Variants in SFTPC observed in about 807,000 individuals in gnomAD.
The protein encoded by SFTPC is BRICHOS domain containing 6.
A neutral mutation model predicts 19.9 loss-of-function variants in SFTPC; 12 were observed. The observed-to-expected ratio is 0.60, with a 90% CI of 0.39 to 0.98. The LOEUF is 0.98. SFTPC is among the 50% of genes least tolerant of loss of function. The pLI, the probability that SFTPC is intolerant of heterozygous loss-of-function variation, is 0.00. For synonymous variants in SFTPC, 123 were observed against 103.3 expected (o/e 1.19, Z -1.16); for missense variants, 219 against 252.2 (o/e 0.87, Z 0.89).
upstream of SFTPC, chr8:22,159,740 A>C: frequency 7.8e-7 from 1 of 1,284,602 alleles, no homozygotes; most frequent in Non-Finnish European, 1.0e-6. Flanking sequence ...CCTGCTAAGA[A>C]CAAGTCCCAC....
At chr8:22,162,215 A>T (rs763504791) in intron 1 of SFTPC, among the ~76,000 whole-genome samples, 6 of 152,276 alleles carry the variant, frequency 3.9e-5, no homozygotes, top group Admixed American at 1.3e-4. Flanking sequence ...GTGGAGAAGG[A>T]GGAAGGCATT....
intron 2 of SFTPC, 64 bp from the exon 3 acceptor site, chr8:22,163,016 G>A (rs1318840048): frequency 1.4e-5 from 23 of 1,607,358 alleles, no homozygotes; most frequent in African/African-American, 4.0e-5. Context: ...CCTGAGTATG[G>A]GGATGGGTAC....
Position 22,164,188 on chromosome 8 carries a change from G to A in SFTPC, c.*19-78G>A, listed in dbSNP as rs1351914102. 6 of 1,535,824 alleles carry A rather than the reference G, an allele frequency of 3.9e-6. No homozygotes were observed. The Admixed American group carries it at 9.9e-5, about 25-fold the overall frequency. On this transcript the variant is annotated intron_variant, in intron 5 of 5. Transcript: ENST00000679463. ...AGCGGGGTCATCCAGGCAACTCGGG[G>A]GAGGGGAAGCTCACAGACCGGTACT...
At chr8:22,163,293 C>T in intron 3 of SFTPC, 91 bp downstream of exon 3, 1 of 1,578,824 alleles carries the variant, frequency 6.3e-7, no homozygotes, top group Non-Finnish European at 8.7e-7. Flanking sequence ...ATCCATCTCT[C>T]CCTCTCCTCC....
intron 2 of SFTPC, 23 bp downstream of exon 2, chr8:22,162,755 C>T (rs538796102): frequency 6.2e-7 from 1 of 1,613,566 alleles, no homozygotes; most frequent in South Asian, 1.1e-5. Context: ...GGATGCACAG[C>T]AGTGGGCACA....
upstream of SFTPC, among the ~76,000 whole-genome samples, chr8:22,157,980 T>C (rs1053705219): frequency 6.6e-6 from 1 of 152,176 alleles, no homozygotes; most frequent in African/African-American, 2.4e-5. Flanking sequence ...CTCAATACTT[T>C]TTGAGAGTGT....
chr8:22,160,075 C>G (rs998590520), upstream of SFTPC, among the ~76,000 whole-genome samples: 3 of 152,204 alleles, frequency 2.0e-5, no homozygotes, highest in Admixed American at 6.5e-5. Context: ...CTGCTGGAGT[C>G]TTAGGCAAAT....
At chr8:22,162,089 G>A (rs899600540) in intron 1 of SFTPC, among the ~76,000 whole-genome samples, 15 of 152,088 alleles carry the variant, frequency 9.9e-5, no homozygotes, top group African/African-American at 3.6e-4. Flanking sequence ...TCCGTAGAAA[G>A]GGCTGTCCGT....
chr8:22,163,283 A>G (rs903690343), intron 3 of SFTPC, 81 bp downstream of exon 3: 2 of 1,590,602 alleles, frequency 1.3e-6, no homozygotes, highest in Non-Finnish European at 1.7e-6. Context: ...CTTCATCCAC[A>G]TCCATCTCTC....
In SFTPC at chr8:22,162,567, G is replaced by T; in HGVS notation, c.43-7G>T. The T allele has an allele frequency of 3.1e-6, 5 of 1,613,440 alleles. No homozygotes were observed. The highest frequency in any genetic ancestry group is 3.4e-6 in the Non-Finnish European group (4 of 1,179,910). ...TGCCTGTCTCCTTGCCTGCCCCACC[G>T]TGTCAGGACTACTCCGCAGCTCCCC... On this transcript the variant is annotated splice_region_variant and splice_polypyrimidine_tract_variant and intron_variant, in intron 1 of 5. Transcript: ENST00000679463.
upstream of SFTPC, chr8:22,161,639 G>C: frequency 6.4e-7 from 1 of 1,564,200 alleles, no homozygotes; most frequent in Non-Finnish European, 8.6e-7. Context: ...GGGCCCTTGG[G>C]GGCTCTCACA....
upstream of SFTPC, among the ~76,000 whole-genome samples, chr8:22,158,394 C>T (rs1274808233): frequency 2.0e-5 from 3 of 152,190 alleles, no homozygotes; most frequent in Non-Finnish European, 4.4e-5. Flanking sequence ...GTCCCTGGCA[C>T]GGCTCTGCCC....
chr8:22,161,581 C>T, upstream of SFTPC: 3 of 1,209,090 alleles, frequency 2.5e-6, no homozygotes, highest in Non-Finnish European at 3.4e-6. Context: ...CTCAACTCAC[C>T]CAGGTTTGCT....
At chr8:22,159,986 A>G, upstream of SFTPC, 2 of 473,940 alleles carry the variant, frequency 4.2e-6, no homozygotes, top group Non-Finnish European at 7.2e-6. Context: ...GCTGAGGCCG[A>G]GCTGAGAGGA....
chr8:22,163,528 A>G lies in SFTPC; in HGVS notation c.417A>G (p.Arg139=). 1 of 1,612,010 alleles carries G rather than the reference A, an allele frequency of 6.2e-7. No homozygotes were observed. The highest frequency in any genetic ancestry group is 8.5e-7 in the Non-Finnish European group (1 of 1,178,282). The change falls in exon 4 of 6, where the codon AGA becomes AGG. Residue 139 remains arginine (R), a synonymous_variant. Transcript: ENST00000679463. The part of the protein sequence containing the change: ...ESIPSLEALT[R]KVHNFQAKPA... ...TCCCCAGTCTTGAGGCTCTCACTAG[A>G]AAAGTCCACAACTTCCAGGTGTGTG...
upstream of SFTPC, chr8:22,159,149 C>T (rs1827615239): frequency 6.5e-6 from 1 of 154,610 alleles, no homozygotes; most frequent in Non-Finnish European, 1.4e-5. Context: ...ATGCACTGTT[C>T]ACGCCTGTAA....
At chr8:22,161,384 G>A (rs77068360), upstream of SFTPC, among the ~76,000 whole-genome samples, 18 of 152,186 alleles carry the variant, frequency 1.2e-4, no homozygotes, top group Non-Finnish European at 1.3e-4. Flanking sequence ...TTCCTGGAGC[G>A]CATCCCTATG....
chr8:22,164,018 G>A lies in SFTPC; in HGVS notation c.553G>A (p.Glu185Lys), dbSNP rs200839715. ...CATGGCCGTGAGCACCCTGTGTGGCGAGGTGCCGCTCTACTACATCTAGGA... is the reference window on the plus strand; with the variant it reads ...CATGGCCGTGAGCACCCTGTGTGGCAAGGTGCCGCTCTACTACATCTAGGA... ...LGMAVSTLCG[E>K]VPLYYI The change falls in exon 5 of 6, where the codon GAG (glutamate) becomes AAG (lysine). Residue 185 changes from glutamate (E) to lysine (K), a missense_variant. Coordinates refer to ENST00000679463, the MANE Select transcript of SFTPC (RefSeq NM_001317778.2). 8.7e-6 allele frequency: 14 copies of A among 1,612,210 alleles called. No homozygotes were observed. The African/African-American group carries it at 1.5e-4, about 17-fold the overall frequency.
intron 2 of SFTPC, 119 bp downstream of exon 2, chr8:22,162,851 T>C: frequency 7.0e-7 from 1 of 1,435,786 alleles, no homozygotes; most frequent in Non-Finnish European, 9.7e-7. Context: ...GGGGCACAGC[T>C]AGAAGGAAAG....
Sources: allele counts gnomAD v4.1 joint callset (sites outside exome capture counted in the v4.1 genomes callset), GRCh38; gene constraint gnomAD v4.1.1; transcripts MANE v1.5; gene names NCBI Gene and HGNC (gene_info 2026-07-23, HGNC 2026-07-21).